CDH4: variants seen among roughly 807,000 people sequenced by gnomAD.
CDH4 encodes the protein cadherin 4, also known as cadherin-4.
Under a neutral mutation model 86.0 loss-of-function variants are expected in CDH4, and 33 were observed. That is an observed-to-expected ratio of 0.38 (90% CI 0.29 to 0.51). The LOEUF is 0.51. Among genes scored for constraint, CDH4 ranks in the 20% least tolerant of loss-of-function variants. The pLI is 0.86. For synonymous variants in CDH4, 555 were observed against 549.4 expected (o/e 1.01, Z -0.14); for missense variants, 1,114 against 1,307.4 (o/e 0.85, Z 2.28).
At chr20:61,524,488 CTTTT>C (rs113607238) in intron 2 of CDH4, among the ~76,000 whole-genome samples, 7 of 145,786 alleles carry the variant, frequency 4.8e-5, no homozygotes, top group Non-Finnish European at 1.1e-4. Flanking sequence ...GAATATTACA[CTTTT>C]TTTTTTTTTT....
chr20:61,582,239 T>C lies in CDH4; in HGVS notation c.170-161324T>C, dbSNP rs2145720273. Among the ~76,000 whole-genome samples the C allele has an allele frequency of 6.6e-6, 1 of 152,302 alleles. No homozygotes were observed. The highest frequency in any genetic ancestry group is 1.5e-5 in the Non-Finnish European group (1 of 68,032). ...CCTAATGCCGCCTCCCCACCTCCAA[T>C]CACAGAGGCACACGCGGCTTTGCCC... On this transcript the variant is annotated intron_variant, in intron 2 of 15. Coordinates refer to ENST00000614565, the MANE Select transcript of CDH4 (RefSeq NM_001794.5). The surrounding 1 kb of genome is among the most constrained non-coding windows in gnomAD (Gnocchi z 4.2).
chr20:61,300,390 G>A (rs2084379559), intron 2 of CDH4, among the ~76,000 whole-genome samples: 1 of 152,174 alleles, frequency 6.6e-6, no homozygotes, highest in African/African-American at 2.4e-5. Context: ...GAACCTGGGA[G>A]TCTCGGCTGG....
intron 2 of CDH4, among the ~76,000 whole-genome samples, chr20:61,460,864 T>A (rs2085438070): frequency 6.6e-6 from 1 of 152,152 alleles, no homozygotes; most frequent in Non-Finnish European, 1.5e-5. Flanking sequence ...GTTCTGTGAT[T>A]GTTGCTGTGA....
At position 61,881,249 on chromosome 20, in the gene CDH4, G is replaced by C. The variant is rs561970769; in HGVS notation, c.1050+7349G>C. Among the ~76,000 whole-genome samples the C allele has an allele frequency of 1.4e-4, 21 of 152,332 alleles. No individual in the cohort carries two copies. The South Asian group carries it at 4.4e-3, about 32-fold the overall frequency. On this transcript the variant is annotated intron_variant, in intron 7 of 15. Transcript: ENST00000614565. ...TCCCACCGTGGGGCCACGTGCACAC[G>C]GGGTGATCTCCGTGCCTCAGGAAGC...
rs2087519110 is a variant in CDH4, at chr20:61,681,894, T to C, written c.170-61669T>C. 6.6e-6 allele frequency among the ~76,000 whole-genome samples: 1 copy of C among 152,082 alleles called. No homozygotes were observed. The highest frequency in any genetic ancestry group is 1.5e-5 in the Non-Finnish European group (1 of 68,024). On this transcript the variant is annotated intron_variant, in intron 2 of 15. Coordinates refer to ENST00000614565, the MANE Select transcript of CDH4 (RefSeq NM_001794.5). The surrounding 1 kb of genome is among the most constrained non-coding windows in gnomAD (Gnocchi z 4.5). Reference sequence around the variant, plus strand: ...CAAGCAGGTTCAGCAGAAAATGACGTGATGCCAAGGCCAGGGCTGTGAACT... The same window carrying C: ...CAAGCAGGTTCAGCAGAAAATGACGCGATGCCAAGGCCAGGGCTGTGAACT...
chr20:61,813,435 G>A (rs937257445), intron 4 of CDH4, among the ~76,000 whole-genome samples: 3 of 152,232 alleles, frequency 2.0e-5, no homozygotes, highest in Admixed American at 6.5e-5. Flanking sequence ...TCCCTGTGAG[G>A]ACTCTGGGGA....
At chr20:61,762,866 G>T (rs77515469) in intron 3 of CDH4, among the ~76,000 whole-genome samples, 1 of 152,326 alleles carries the variant, frequency 6.6e-6, no homozygotes, top group South Asian at 2.1e-4. Flanking sequence ...AGGGGGACAG[G>T]TGCACCCCAA....
Position 61,510,892 on chromosome 20 carries a change from G to A in CDH4, c.170-232671G>A, listed in dbSNP as rs2085774396. 6.6e-6 allele frequency among the ~76,000 whole-genome samples: 1 copy of A among 151,790 alleles called. No individual in the cohort carries two copies. Among genetic ancestry groups the A allele is most frequent in the African/African-American group, 2.4e-5 (1 of 41,250 alleles). On this transcript the variant is annotated intron_variant, in intron 2 of 15. Coordinates refer to ENST00000614565, the MANE Select transcript of CDH4 (RefSeq NM_001794.5). The surrounding 1 kb of genome is among the most constrained non-coding windows in gnomAD (Gnocchi z 4.2). Reference sequence around the variant, plus strand: ...TGGCCTCAGGAAGCTGACAATGGTGGGGGAAGGTGAGGGGGTGGGGACAGA... The same window carrying A: ...TGGCCTCAGGAAGCTGACAATGGTGAGGGAAGGTGAGGGGGTGGGGACAGA...
At chr20:61,577,624 G>C (rs1004460369) in intron 2 of CDH4, among the ~76,000 whole-genome samples, 1 of 152,156 alleles carries the variant, frequency 6.6e-6, no homozygotes, top group Admixed American at 6.5e-5. Context: ...TGGGTTCTCT[G>C]GGGTCCCAGG....
chr20:61,462,998 G>T (rs2085452521), intron 2 of CDH4, among the ~76,000 whole-genome samples: 1 of 152,202 alleles, frequency 6.6e-6, no homozygotes, highest in African/African-American at 2.4e-5. Flanking sequence ...ACAGAACCAG[G>T]TGGAAATAAT....
chr20:61,546,101 GGT>G (rs796290108), intron 2 of CDH4, among the ~76,000 whole-genome samples: 198 of 1,746 alleles, frequency 0.11, no homozygotes, highest in Non-Finnish European at 0.15. Context: ...TGTGTGGAGG[GGT>G]GTGTGTGCAT....
chr20:61,806,925 A>C (rs1384509279), intron 4 of CDH4, among the ~76,000 whole-genome samples: 1 of 151,974 alleles, frequency 6.6e-6, no homozygotes, highest in Non-Finnish European at 1.5e-5. Context: ...GAGCCGCTGC[A>C]CTCCAGGTTT....
intron 2 of CDH4, among the ~76,000 whole-genome samples, chr20:61,431,160 G>A (rs912304606): frequency 2.6e-5 from 4 of 152,188 alleles, no homozygotes; most frequent in Admixed American, 1.3e-4. Context: ...CGTGGGTAGA[G>A]GATCAGGTGG....
At chr20:61,375,993 T>C (rs1600914760) in intron 2 of CDH4, among the ~76,000 whole-genome samples, 2 of 136,154 alleles carry the variant, frequency 1.5e-5, no homozygotes, top group Non-Finnish European at 1.5e-5. Context: ...TTGATGGTAG[T>C]GTGATGGTCT....
chr20:61,671,243 A>G (rs1293408697), intron 2 of CDH4, among the ~76,000 whole-genome samples: 2 of 152,136 alleles, frequency 1.3e-5, no homozygotes, highest in East Asian at 3.9e-4. Flanking sequence ...TGTAATCCCA[A>G]CACCTTGGGA....
At chr20:61,662,605 G>A (rs1490078259) in intron 2 of CDH4, among the ~76,000 whole-genome samples, 3 of 152,174 alleles carry the variant, frequency 2.0e-5, no homozygotes, top group Non-Finnish European at 4.4e-5. Context: ...GAGGACTGGG[G>A]CGTGAGGAAA....
At chr20:61,529,751 G>A (rs79530868) in intron 2 of CDH4, among the ~76,000 whole-genome samples, 9,046 of 152,294 alleles carry the variant, frequency 0.059, 449 homozygotes, top group African/African-American at 0.13. Context: ...CTTGGGTGGT[G>A]TCTTCAGAAC....
intron 6 of CDH4, 31 bp from the exon 7 acceptor site, chr20:61,873,697 A>C: frequency 6.2e-7 from 1 of 1,601,794 alleles, no homozygotes; most frequent in Non-Finnish European, 8.5e-7. Flanking sequence ...GTGGCAGGCC[A>C]TCCCCATCTG....
In CDH4 at chr20:61,928,331, C is replaced by G; in HGVS notation, c.1913C>G (p.Ala638Gly). Residue 638 changes from alanine to glycine, a missense_variant, in exon 12 of 16, where the codon GCT becomes GGT. Ala to Gly is a moderately conservative substitution (Grantham distance 60, BLOSUM62 0). This residue lies in a region of CDH4 where 705 missense variants were observed against 914.1 expected (regional missense o/e 0.77). Coordinates refer to ENST00000614565, the MANE Select transcript of CDH4 (RefSeq NM_001794.5). The stretch of plus-strand genomic sequence containing the variant: ...GCCATCAACATCACGGCGGCCGACG[C>G]TGACGTCGACCCCAACATCGGCCCC... ...LNAINITAAD[A>G]DVDPNIGPYV... 6.2e-7 allele frequency: 1 copy of G among 1,610,954 alleles called. No homozygotes were observed. Among genetic ancestry groups the G allele is most frequent in the South Asian group, 1.1e-5 (1 of 91,090 alleles).
Sources: allele counts gnomAD v4.1 joint callset (sites outside exome capture counted in the v4.1 genomes callset), GRCh38; gene constraint gnomAD v4.1.1; regional missense constraint gnomAD v4.1.1; non-coding constraint Gnocchi (gnomAD v3.1); transcripts MANE v1.5; gene names NCBI Gene and HGNC (gene_info 2026-07-23, HGNC 2026-07-21).